ZMYM4: variants seen among roughly 807,000 people sequenced by gnomAD.
ZMYM4 encodes the protein zinc finger MYM-type containing 4.
Under a neutral mutation model 183.2 loss-of-function variants are expected in ZMYM4, and 31 were observed. The ratio of observed to expected loss-of-function variants is 0.17; its 90% CI spans 0.13 to 0.23. The LOEUF (loss-of-function observed/expected upper bound fraction) is 0.23, where lower values mean the gene tolerates loss of function less well. Among genes scored for constraint, ZMYM4 ranks in the 10% least tolerant of loss-of-function variants. The probability of loss-of-function intolerance (pLI) is 1.00; values close to 1 mark genes in which losing one functional copy is unlikely to be tolerated. For missense variants in ZMYM4, 1,273 were observed against 1,840.3 expected, an observed-to-expected ratio of 0.69 and a Z score of 5.64; for synonymous variants, 592 against 631.2, an observed-to-expected ratio of 0.94 and a Z score of 0.93.
At position 35,361,770 on chromosome 1, in the gene ZMYM4, A is replaced by C; in HGVS notation, c.821A>C (p.Asp274Ala). 1 of 1,607,702 alleles carries C rather than the reference A, an allele frequency of 6.2e-7. No homozygotes were observed. ...CAGGGACTACTAGACAAAATAAAAG[A>C]TGAACCTGACAATGCTCAAGTAAAC... ...PQQGLLDKIK[D>A]EPDNAQEYSH... is the part of the protein sequence containing the mutation. The change falls in exon 5 of 30, where the codon GAT becomes GCT. Residue 274 changes from aspartate to alanine, a missense_variant. Physicochemically the swap from Asp to Ala is moderately radical, Grantham distance 126. This residue lies in a region of ZMYM4 where 384 missense variants were observed against 465.6 expected (regional missense o/e 0.82). Coordinates refer to ENST00000314607, the MANE Select transcript of ZMYM4 (RefSeq NM_005095.3).
chr1:35,304,982 A>G (rs1641467294), intron 1 of ZMYM4, among the ~76,000 whole-genome samples: 1 of 152,162 alleles, frequency 6.6e-6, no homozygotes, highest in East Asian at 1.9e-4. Flanking sequence ...AGTAGGTGGT[A>G]TTACAGGCAT....
intron 1 of ZMYM4, among the ~76,000 whole-genome samples, chr1:35,306,102 T>G (rs1290184403): frequency 6.6e-6 from 1 of 152,194 alleles, no homozygotes; most frequent in African/African-American, 2.4e-5. Context: ...TGTGTCTTAT[T>G]GATGCCATTT....
chr1:35,344,689 T>C (rs1454575235), intron 2 of ZMYM4, among the ~76,000 whole-genome samples: 2 of 152,190 alleles, frequency 1.3e-5, no homozygotes, highest in South Asian at 2.1e-4. Context: ...TTACTTATGA[T>C]ATATTATTTG....
At chr1:35,370,191 A>G in intron 6 of ZMYM4, 78 bp downstream of exon 6, 1 of 1,560,132 alleles carries the variant, frequency 6.4e-7, no homozygotes, top group Non-Finnish European at 8.8e-7. Flanking sequence ...TTGTATTAAT[A>G]AACCAGGCAG....
Position 35,370,399 on chromosome 1 carries a change from C to T in ZMYM4, c.953C>T (p.Pro318Leu), listed in dbSNP as rs543375372. The T allele has an allele frequency of 2.1e-5, 33 of 1,582,598 alleles. No homozygotes were observed. Residue 318 changes from proline (P) to leucine (L), a missense_variant, in exon 7 of 30, where the codon CCC (proline) becomes CTC (leucine). Around this residue, in one of 6 missense-constraint regions of ZMYM4, gnomAD observed 384 missense variants for 465.6 expected, o/e 0.82. Transcript: ENST00000314607. Reference sequence around the variant, plus strand: ...CCACAGTTGACTACTGGCTTTCAGCCCTCACTGGCGTCATCTGGCATGAAT... The same window carrying T: ...CCACAGTTGACTACTGGCTTTCAGCTCTCACTGGCGTCATCTGGCATGAAT... ...LAPQLTTGFQ[P>L]SLASSGMNKM...
intron 7 of ZMYM4, among the ~76,000 whole-genome samples, chr1:35,372,958 G>T (rs1164136370): frequency 6.6e-6 from 1 of 152,152 alleles, no homozygotes; most frequent in Non-Finnish European, 1.5e-5. Flanking sequence ...AGGAGTTCAA[G>T]ACCAGCCTGG....
At chr1:35,332,411 T>G (rs1430277838) in intron 2 of ZMYM4, among the ~76,000 whole-genome samples, 2 of 151,686 alleles carry the variant, frequency 1.3e-5, no homozygotes, top group Non-Finnish European at 2.9e-5. Flanking sequence ...ATGTTTTTTT[T>G]TTTTTTTTTT....
intron 26 of ZMYM4, among the ~76,000 whole-genome samples, chr1:35,412,691 G>A (rs1017947840): frequency 2.6e-5 from 4 of 151,990 alleles, no homozygotes; most frequent in South Asian, 2.1e-4. Flanking sequence ...TTTCAATAAC[G>A]AAGATATATT....
At chr1:35,390,636 T>A (rs776144649) in intron 15 of ZMYM4, among the ~76,000 whole-genome samples, 1 of 152,218 alleles carries the variant, frequency 6.6e-6, no homozygotes, top group Non-Finnish European at 1.5e-5. Context: ...GGGGATATGA[T>A]GGCTTAGCTT....
chr1:35,335,189 T>C (rs1305901292), intron 2 of ZMYM4, among the ~76,000 whole-genome samples: 1 of 152,112 alleles, frequency 6.6e-6, no homozygotes, highest in Non-Finnish European at 1.5e-5. Flanking sequence ...GAGCTTTGTA[T>C]TGTTTTTGAA....
At chr1:35,417,660 T>C (rs1640173944) in intron 28 of ZMYM4, among the ~76,000 whole-genome samples, 1 of 152,032 alleles carries the variant, frequency 6.6e-6, no homozygotes, top group African/African-American at 2.4e-5. Flanking sequence ...TCAAGGCTGC[T>C]GTGATCACAC....
chr1:35,287,582 C>T (rs1370361249), intron 1 of ZMYM4, among the ~76,000 whole-genome samples: 1 of 151,654 alleles, frequency 6.6e-6, no homozygotes, highest in Non-Finnish European at 1.5e-5. Flanking sequence ...GTTATTTTTC[C>T]TATTTATTTT....
intron 1 of ZMYM4, among the ~76,000 whole-genome samples, chr1:35,277,727 G>A (rs1033372223): frequency 1.3e-5 from 2 of 151,702 alleles, no homozygotes; most frequent in Non-Finnish European, 2.9e-5. Context: ...CTTGTAATAC[G>A]GTTTGTAAAG....
At chr1:35,275,301 G>T (rs1639814971) in intron 1 of ZMYM4, among the ~76,000 whole-genome samples, 1 of 151,914 alleles carries the variant, frequency 6.6e-6, no homozygotes, top group Non-Finnish European at 1.5e-5. Context: ...GAGTACAGTG[G>T]TGCCATCTCA....
chr1:35,273,772 G>A (rs976669490), intron 1 of ZMYM4, among the ~76,000 whole-genome samples: 1 of 152,126 alleles, frequency 6.6e-6, no homozygotes, highest in Non-Finnish European at 1.5e-5. Flanking sequence ...GACACAGTTT[G>A]GGATATTACC....
intron 8 of ZMYM4, 22 bp downstream of exon 8, chr1:35,381,455 T>C (rs1308642362): frequency 3.7e-6 from 6 of 1,604,268 alleles, no homozygotes; most frequent in Non-Finnish European, 5.1e-6. Context: ...TTTTCCTTTA[T>C]TGGGGCAGGA....
At chr1:35,359,903 T>A (rs574143608) in intron 3 of ZMYM4, among the ~76,000 whole-genome samples, 5 of 140,440 alleles carry the variant, frequency 3.6e-5, no homozygotes, top group South Asian at 2.2e-4. Flanking sequence ...AGTTTTTTTT[T>A]AATAAAAAAA....
chr1:35,336,832 A>C (rs924206969), intron 2 of ZMYM4, among the ~76,000 whole-genome samples: 5 of 152,240 alleles, frequency 3.3e-5, no homozygotes, highest in Admixed American at 1.3e-4. Flanking sequence ...AGTGACCTGT[A>C]GTCCTCATGT....
At chr1:35,322,995 G>GTTTTGT (rs201020455) in intron 1 of ZMYM4, among the ~76,000 whole-genome samples, 3 of 149,554 alleles carry the variant, frequency 2.0e-5, no homozygotes, top group South Asian at 4.2e-4. Flanking sequence ...TGGCTTTTTT[G>GTTTTGT]TTTTGTTTTT....
Sources: allele counts gnomAD v4.1 joint callset (sites outside exome capture counted in the v4.1 genomes callset), GRCh38; gene constraint gnomAD v4.1.1; regional missense constraint gnomAD v4.1.1; transcripts MANE v1.5; gene names NCBI Gene and HGNC (gene_info 2026-07-23, HGNC 2026-07-21).